NBAS: variants seen among roughly 807,000 people sequenced by gnomAD.
The protein encoded by NBAS is NAG/BC035112 fusion.
In NBAS, 219 loss-of-function variants were observed where a neutral mutation model predicts 302.5. The ratio of observed to expected loss-of-function variants is 0.72; its 90% confidence interval spans 0.65 to 0.81. NBAS has a LOEUF of 0.81. Among genes scored for constraint, NBAS ranks in the 30% least tolerant of loss-of-function variants. The pLI, the probability that NBAS is intolerant of heterozygous loss-of-function variation, is 0.00. For missense variants in NBAS, 2,932 were observed against 2,841.6 expected (o/e 1.03, Z -0.72); for synonymous variants, 1,118 against 1,021.6 (o/e 1.09, Z -1.80).
At chr2:14,926,611 G>A in the NBAS span, among the ~76,000 whole-genome samples, 1 of 152,106 alleles carries the variant, frequency 6.6e-6, no homozygotes, top group Admixed American at 6.5e-5. Flanking sequence ...TACCACGTTA[G>A]CCATTTTTAA....
At chr2:15,045,250 A>G in the NBAS span, among the ~76,000 whole-genome samples, 1 of 152,238 alleles carries the variant, frequency 6.6e-6, no homozygotes, top group African/African-American at 2.4e-5. Flanking sequence ...ACAGGGCGAC[A>G]GTGAAGAGAA....
chr2:15,416,426 A>G (rs943533499), intron 24 of NBAS, among the ~76,000 whole-genome samples: 7 of 152,204 alleles, frequency 4.6e-5, no homozygotes, highest in Non-Finnish European at 8.8e-5. Flanking sequence ...GAGTCAACAT[A>G]TAACACAAAT....
chr2:15,415,182 G>A (rs1189354908), intron 25 of NBAS, among the ~76,000 whole-genome samples: 3 of 152,074 alleles, frequency 2.0e-5, no homozygotes, highest in East Asian at 1.9e-4. Context: ...TTCATTTCTT[G>A]TAATATTAAC....
intron 40 of NBAS, among the ~76,000 whole-genome samples, chr2:15,304,757 T>G (rs1173231725): frequency 6.6e-6 from 1 of 152,208 alleles, no homozygotes; most frequent in Admixed American, 6.5e-5. Context: ...AGAACTTTGC[T>G]TGAGAGAGAT....
intron 10 of NBAS, among the ~76,000 whole-genome samples, chr2:15,507,066 TCTG>T (rs1265435897): frequency 1.3e-5 from 2 of 152,060 alleles, no homozygotes; most frequent in Non-Finnish European, 2.9e-5. Flanking sequence ...CAAAGTGGAG[TCTG>T]AAGAGTTTTT....
intron 49 of NBAS, 141 bp from the exon 50 acceptor site, chr2:15,187,021 G>T: frequency 8.0e-7 from 1 of 1,254,862 alleles, no homozygotes; most frequent in Non-Finnish European, 1.1e-6. Flanking sequence ...CAACCTTGTA[G>T]AAAAGATAAC....
At chr2:15,143,156 C>G in the NBAS span, among the ~76,000 whole-genome samples, 1 of 152,114 alleles carries the variant, frequency 6.6e-6, no homozygotes, top group Non-Finnish European at 1.5e-5. Context: ...TTGCCACCTA[C>G]AGGGCTTGAC....
chr2:14,912,507 C>T, the NBAS span, among the ~76,000 whole-genome samples: 4 of 152,040 alleles, frequency 2.6e-5, no homozygotes, highest in African/African-American at 9.7e-5. Flanking sequence ...CCCATCAAGC[C>T]ACTGCCATGC....
intron 30 of NBAS, among the ~76,000 whole-genome samples, chr2:15,378,467 T>C (rs1446734928): frequency 6.6e-6 from 1 of 152,180 alleles, no homozygotes; most frequent in African/African-American, 2.4e-5. Flanking sequence ...TGCCTTGACT[T>C]ACAATGTGAT....
At chr2:15,511,597 T>C (rs111712798) in intron 9 of NBAS, among the ~76,000 whole-genome samples, 4 of 152,106 alleles carry the variant, frequency 2.6e-5, no homozygotes, top group East Asian at 1.9e-4. Context: ...AACTTAGAAA[T>C]GAAGAAAAAA....
the NBAS span, among the ~76,000 whole-genome samples, chr2:14,880,032 C>T: frequency 1.3e-5 from 2 of 151,934 alleles, no homozygotes; most frequent in Admixed American, 6.6e-5. Flanking sequence ...AAGGAGCCAA[C>T]CTGAAAGAAG....
rs1428573865 is a variant in NBAS at position 15,539,381 on chromosome 2, G to A, written c.380-25C>T. 3.1e-6 allele frequency: 5 copies of A among 1,613,886 alleles called. No individual in the cohort carries two copies. The South Asian group carries it at 5.5e-5, about 18-fold the overall frequency. Reference sequence around the variant, plus strand: ...ACTAGAACAAAAGAAAACAAGAGGTGCTTCTAACAATATATTACAAAGATA... The same window carrying A: ...ACTAGAACAAAAGAAAACAAGAGGTACTTCTAACAATATATTACAAAGATA... On this transcript the variant is annotated intron_variant, in intron 6 of 51. Transcript: ENST00000281513.
chr2:15,214,852 T>A (rs1238685545), intron 48 of NBAS, among the ~76,000 whole-genome samples: 2 of 152,190 alleles, frequency 1.3e-5, no homozygotes, highest in Non-Finnish European at 2.9e-5. Context: ...GCAAAATACA[T>A]GCATTTGTAA....
At chr2:15,482,812 T>C (rs1304002402) in intron 12 of NBAS, among the ~76,000 whole-genome samples, 1 of 152,156 alleles carries the variant, frequency 6.6e-6, no homozygotes, top group African/African-American at 2.4e-5. Flanking sequence ...AGGAAAATCA[T>C]TTGTTTTTAA....
intron 35 of NBAS, among the ~76,000 whole-genome samples, chr2:15,340,192 G>T (rs1028025065): frequency 7.2e-5 from 11 of 152,108 alleles, no homozygotes; most frequent in African/African-American, 2.7e-4. Context: ...GCAGAAGCAC[G>T]GAGACAAACA....
At chr2:15,514,855 T>G (rs1662312343) in intron 9 of NBAS, among the ~76,000 whole-genome samples, 1 of 152,126 alleles carries the variant, frequency 6.6e-6, no homozygotes, top group South Asian at 2.1e-4. Flanking sequence ...AGCATAGCCA[T>G]GCATAGATAA....
intron 50 of NBAS, among the ~76,000 whole-genome samples, chr2:15,185,781 T>TA (rs1336998135): frequency 1.3e-5 from 2 of 151,936 alleles, no homozygotes; most frequent in African/African-American, 2.4e-5. Flanking sequence ...CAAAAATCAA[T>TA]AAAAAAAATC....
At chr2:15,446,243 C>T (rs752408622) in intron 21 of NBAS, among the ~76,000 whole-genome samples, 57 of 152,082 alleles carry the variant, frequency 3.7e-4, no homozygotes, top group Non-Finnish European at 5.1e-4. Context: ...GAAGAACACA[C>T]CAAGGCATAT....
the NBAS span, among the ~76,000 whole-genome samples, chr2:15,038,241 T>G: frequency 6.6e-6 from 1 of 151,830 alleles, no homozygotes; most frequent in South Asian, 2.1e-4. Context: ...GCTTCCTGAG[T>G]AGCTGGGACT....
Sources: gnomAD v4.1 joint callset for allele counts (sites outside exome capture counted in the v4.1 genomes callset) on GRCh38, gnomAD v4.1.1 for gene constraint, MANE v1.5 for transcripts, NCBI Gene and HGNC (gene_info 2026-07-23, HGNC 2026-07-21) for gene names.